JAK2: variants seen among roughly 807,000 people sequenced by gnomAD.
JAK2 encodes Janus kinase 2.
JAK2 carries 86 observed loss-of-function variants against 139.3 expected under a neutral mutation model. That is an observed-to-expected ratio of 0.62 (90% CI 0.52 to 0.74). The LOEUF (loss-of-function observed/expected upper bound fraction) is 0.74. Ranked by LOEUF, JAK2 falls within the 30% of genes least tolerant of loss-of-function variation. The probability of loss-of-function intolerance (pLI) is 0.00; values close to 1 mark genes in which losing one functional copy is unlikely to be tolerated. For missense variants in JAK2, 1,421 were observed against 1,360.3 expected (o/e 1.04, Z -0.70); for synonymous variants, 490 against 437.7 (o/e 1.12, Z -1.49).
At chr9:5,126,272 TGAGA>T (rs994375323) in intron 23 of JAK2, 57 bp from the exon 24 acceptor site, 9 of 1,227,428 alleles carry the variant, frequency 7.3e-6, no homozygotes, top group Non-Finnish European at 1.1e-5. Flanking sequence ...TGGAGGAAAT[TGAGA>T]AAGAATTTTG....
chr9:5,025,207 G>A (rs1822705314), intron 3 of JAK2, among the ~76,000 whole-genome samples: 1 of 151,916 alleles, frequency 6.6e-6, no homozygotes, highest in Non-Finnish European at 1.5e-5. Flanking sequence ...TTTCACTGAT[G>A]TTACTCTTTT....
Position 5,045,129 on chromosome 9 carries a change from C to G in JAK2, c.468+609C>G, listed in dbSNP as rs73639257. ...TTAAACAGTAATTGAAATATTTTGT[C>G]ATTAAATAACTTGTTTTTATGTGCT... On this transcript the variant is annotated intron_variant, in intron 5 of 24. Transcript: ENST00000381652. 2.6e-3 allele frequency among the ~76,000 whole-genome samples: 393 copies of G among 152,194 alleles called. 4 individuals carry two copies. Among genetic ancestry groups the G allele is most frequent in the African/African-American group, 9.0e-3 (372 of 41,534 alleles).
chr9:5,126,598 G>A, intron 24 of JAK2, 86 bp from the exon 25 acceptor site: 1 of 994,600 alleles, frequency 1.0e-6, no homozygotes. Flanking sequence ...TATGACATGT[G>A]CCCTGTATTG....
chr9:5,114,617 G>A, intron 22 of JAK2: 1 of 486,164 alleles, frequency 2.1e-6, no homozygotes, highest in South Asian at 1.6e-5. Context: ...ACGAGGTGCA[G>A]CTCCCGGACA....
intron 18 of JAK2, among the ~76,000 whole-genome samples, chr9:5,081,094 A>T (rs993686830): frequency 6.6e-6 from 1 of 151,386 alleles, no homozygotes; most frequent in Non-Finnish European, 1.5e-5. Flanking sequence ...ACGGGGTTTC[A>T]CCGTGTTAGC....
Position 5,006,200 on chromosome 9 carries a change from G to A in JAK2, c.-25-15763G>A, listed in dbSNP as rs893612121. Among the ~76,000 whole-genome samples, 11 of 152,148 alleles carry A rather than the reference G, an allele frequency of 7.2e-5. No individual in the cohort carries two copies. In the East Asian group the frequency reaches 1.4e-3, roughly 19 times the overall value. ...AGTGGTTTGTAGTTCTCCTTGAAGA[G>A]GTCCTTCACATCCCTTGTAAGTTGG... On this transcript the variant is annotated intron_variant, in intron 2 of 24. Transcript: ENST00000381652.
chr9:4,997,980 A>C (rs138796652), intron 2 of JAK2, among the ~76,000 whole-genome samples: 1,830 of 152,264 alleles, frequency 0.012, 17 homozygotes, highest in Non-Finnish European at 0.02. Context: ...GGAATATCTG[A>C]AATATTCAGT....
chr9:5,085,065 A>G (rs562052130), intron 19 of JAK2: 10 of 706,580 alleles, frequency 1.4e-5, no homozygotes, highest in South Asian at 1.3e-4. Context: ...TGAGAAGTTT[A>G]CTGCTCTCTC....
At chr9:5,075,952 A>G (rs1276095184) in intron 14 of JAK2, among the ~76,000 whole-genome samples, 1 of 152,144 alleles carries the variant, frequency 6.6e-6, no homozygotes, top group Non-Finnish European at 1.5e-5. Flanking sequence ...AGGAATTTGG[A>G]AAAAGTTCAT....
In JAK2 at chr9:5,073,801, G is replaced by C. The variant is rs2130557549; in HGVS notation, c.1864+16G>C. On this transcript the variant is annotated intron_variant, in intron 14 of 24. Coordinates refer to ENST00000381652, the MANE Select transcript of JAK2 (RefSeq NM_004972.4). ...GGAGACGAGAGTAAGTAAAACTACA[G>C]GCTTTCTAATGCCTTTCTCAGAGCA... 1.3e-6 allele frequency: 2 copies of C among 1,514,104 alleles called. No individual in the cohort carries two copies. Among genetic ancestry groups the C allele is most frequent in the Non-Finnish European group, 1.8e-6 (2 of 1,093,216 alleles). The allele number at this position is 1,514,104 out of a possible 1,614,324, so 93.8% of individuals were successfully genotyped here.
At chr9:5,007,041 T>C (rs2129912782) in intron 2 of JAK2, among the ~76,000 whole-genome samples, 1 of 152,300 alleles carries the variant, frequency 6.6e-6, no homozygotes, top group Non-Finnish European at 1.5e-5. Flanking sequence ...TCAGTCTTTC[T>C]AGTGTTTTAT....
rs183513113 is a variant in JAK2, at chr9:4,986,694, T to A, written c.-26+672T>A. On this transcript the variant is annotated intron_variant, in intron 2 of 24. Transcript: ENST00000381652. ...GACCAAAAGTGTTTTGGATTTTTTTTAAAAATTTTGGAATGTTTGCATATA... is the reference window on the plus strand; with the variant it reads ...GACCAAAAGTGTTTTGGATTTTTTTAAAAAATTTTGGAATGTTTGCATATA... Among the ~76,000 whole-genome samples the A allele has an allele frequency of 4.5e-3, 685 of 152,192 alleles. 5 individuals carry two copies. Among genetic ancestry groups the A allele is most frequent in the African/African-American group, 0.013 (546 of 41,452 alleles).
Position 5,065,010 on chromosome 9 carries a change from A to G in JAK2, c.1184A>G (p.Asn395Ser). 6.2e-7 allele frequency: 1 copy of G among 1,605,048 alleles called. No homozygotes were observed. ...KEVAPPAVLE[N>S]IQSNCHGPIS... ...GTAGCACCTCCAGCCGTGCTTGAAAATATACAAAGCAACTGTCATGGCCCA... is the reference window on the plus strand; with the variant it reads ...GTAGCACCTCCAGCCGTGCTTGAAAGTATACAAAGCAACTGTCATGGCCCA... Residue 395 changes from asparagine (N) to serine (S), a missense_variant, in exon 9 of 25, where the codon AAT becomes AGT. Asn to Ser is a conservative substitution (Grantham distance 46). Transcript: ENST00000381652.
Position 5,089,831 on chromosome 9 carries a change from T to G in JAK2, c.2729T>G (p.Ile910Ser), listed in dbSNP as rs1820437040. Residue 910 changes from isoleucine (I) to serine (S), a missense_variant, in exon 20 of 25, where the codon ATT becomes AGT. By Grantham distance (142) the Ile-to-Ser change is moderately radical. Coordinates refer to ENST00000381652, the MANE Select transcript of JAK2 (RefSeq NM_004972.4). The stretch of plus-strand genomic sequence containing the variant: ...CTGAAATCCCTACAGCATGACAACA[T>G]TGTAAAGTACAAGGGAGTGTGCTAC... ...EILKSLQHDN[I>S]VKYKGVCYSA... 1.3e-6 allele frequency: 2 copies of G among 1,584,858 alleles called. No individual in the cohort carries two copies. The highest frequency in any genetic ancestry group is 1.7e-6 in the Non-Finnish European group (2 of 1,166,906).
At chr9:5,068,991 C>T in intron 10 of JAK2, 31 bp from the exon 11 acceptor site, 1 of 1,266,840 alleles carries the variant, frequency 7.9e-7, no homozygotes, top group Non-Finnish European at 1.1e-6. Context: ...TGTGACTATC[C>T]CTCCCTTTCT....
chr9:5,105,893 A>G (rs1296881720), intron 22 of JAK2, among the ~76,000 whole-genome samples: 1 of 152,224 alleles, frequency 6.6e-6, no homozygotes, highest in Non-Finnish European at 1.5e-5. Flanking sequence ...CCTTCCTTAC[A>G]CCTTATAGAA....
intron 3 of JAK2, among the ~76,000 whole-genome samples, chr9:5,024,585 T>C (rs1161859010): frequency 1.3e-5 from 2 of 152,098 alleles, no homozygotes; most frequent in East Asian, 3.9e-4. Context: ...CTCCAATACA[T>C]AGAAATGCTT....
intron 22 of JAK2, among the ~76,000 whole-genome samples, chr9:5,120,430 T>A (rs955708630): frequency 2.0e-5 from 3 of 152,254 alleles, no homozygotes; most frequent in Non-Finnish European, 2.9e-5. Flanking sequence ...ATCATTTTTT[T>A]AAAAACTCAA....
intron 19 of JAK2, chr9:5,085,286 T>C (rs1819997600): frequency 1.4e-6 from 1 of 709,192 alleles, no homozygotes. Flanking sequence ...GGTTTGCCTA[T>C]GTTAGAACAT....
Sources: gnomAD v4.1 joint callset for allele counts (sites outside exome capture counted in the v4.1 genomes callset) on GRCh38, gnomAD v4.1.1 for gene constraint, MANE v1.5 for transcripts, NCBI Gene and HGNC (gene_info 2026-07-23, HGNC 2026-07-21) for gene names.